The following ADAMTS12 variants were observed in gnomAD, a reference collection of about 807,000 sequenced individuals.
The protein encoded by ADAMTS12 is ADAM metallopeptidase with thrombospondin type 1 motif 12.
A neutral mutation model predicts 167.8 loss-of-function variants in ADAMTS12; 118 were observed. The ratio of observed to expected loss-of-function variants is 0.70; its 90% confidence interval spans 0.61 to 0.82. ADAMTS12 has a LOEUF of 0.82. Ranked by LOEUF, ADAMTS12 falls within the 40% of genes least tolerant of loss-of-function variation. ADAMTS12 has a pLI of 0.00. For synonymous variants in ADAMTS12, 704 were observed against 716.9 expected (o/e 0.98, Z 0.29); for missense variants, 1,916 against 1,998.8 (o/e 0.96, Z 0.79).
chr5:33,823,994 C>T (rs150880656), intron 2 of ADAMTS12, among the ~76,000 whole-genome samples: 3 of 152,086 alleles, frequency 2.0e-5, no homozygotes, highest in Admixed American at 6.6e-5. Context: ...TGAATATATA[C>T]AATTTTTACT....
intron 16 of ADAMTS12, among the ~76,000 whole-genome samples, chr5:33,604,556 C>G (rs181947620): frequency 2.0e-5 from 3 of 151,582 alleles, no homozygotes; most frequent in Non-Finnish European, 4.4e-5. Flanking sequence ...CCACCACCCC[C>G]CTACTTAGCA....
intron 2 of ADAMTS12, among the ~76,000 whole-genome samples, chr5:33,784,078 C>G (rs146124752): frequency 6.6e-6 from 1 of 151,706 alleles, no homozygotes; most frequent in African/African-American, 2.4e-5. Context: ...TTTTAAAACA[C>G]CAAATTAATA....
chr5:33,758,367 C>T (rs1413077502), intron 2 of ADAMTS12, among the ~76,000 whole-genome samples: 2 of 151,978 alleles, frequency 1.3e-5, no homozygotes, highest in Non-Finnish European at 2.9e-5. Flanking sequence ...TGAGCCATCG[C>T]TAGGCTGCAA....
rs748236665 is a variant in ADAMTS12, at chr5:33,807,942, AAG to A, written c.490-56396_490-56395del. Among the ~76,000 whole-genome samples, 116 of 152,232 alleles carry A rather than the reference AAG, an allele frequency of 7.6e-4. 1 individual carries two copies. Among genetic ancestry groups the A allele is most frequent in the Non-Finnish European group, 1.4e-3 (95 of 68,042 alleles). On this transcript the variant is annotated intron_variant, in intron 2 of 23. Coordinates refer to ENST00000504830, the MANE Select transcript of ADAMTS12 (RefSeq NM_030955.4). ...AAATTTCACTATAGAAGAGGAAAGA[AAG>A]AGATGGGGCAAACTGTTTCTCTCAA... is the stretch of plus-strand genomic sequence containing the variant.
At chr5:33,532,926 T>C (rs1040460356) in intron 23 of ADAMTS12, among the ~76,000 whole-genome samples, 1 of 152,216 alleles carries the variant, frequency 6.6e-6, no homozygotes, top group African/African-American at 2.4e-5. Flanking sequence ...GGGTGGCTGG[T>C]TTCTTAAATC....
intron 21 of ADAMTS12, among the ~76,000 whole-genome samples, chr5:33,547,341 C>T (rs975395373): frequency 2.6e-5 from 4 of 152,242 alleles, no homozygotes; most frequent in East Asian, 1.9e-4. Context: ...TGGCCATTCT[C>T]GGGGTGGGAC....
At chr5:33,634,407 GA>G (rs1333113561) in intron 12 of ADAMTS12, among the ~76,000 whole-genome samples, 1 of 152,134 alleles carries the variant, frequency 6.6e-6, no homozygotes, top group Non-Finnish European at 1.5e-5. Flanking sequence ...TGCACATGAA[GA>G]GAAGGGATCT....
intron 2 of ADAMTS12, among the ~76,000 whole-genome samples, chr5:33,770,440 G>C (rs1745694761): frequency 6.6e-6 from 1 of 152,194 alleles, no homozygotes; most frequent in Admixed American, 6.5e-5. Flanking sequence ...TCCGAGGACA[G>C]AGCAGGAGCT....
chr5:33,650,553 G>A (rs1416180234), intron 7 of ADAMTS12, among the ~76,000 whole-genome samples: 4 of 152,164 alleles, frequency 2.6e-5, no homozygotes, highest in Admixed American at 1.3e-4. Context: ...GTAAAACTAG[G>A]TTTCAGACAC....
At chr5:33,890,366 T>C (rs1171345740) in intron 1 of ADAMTS12, among the ~76,000 whole-genome samples, 1 of 152,154 alleles carries the variant, frequency 6.6e-6, no homozygotes, top group African/African-American at 2.4e-5. Flanking sequence ...ATCTGGACCG[T>C]TTACACAAGT....
chr5:33,741,980 T>A (rs1331963090), intron 3 of ADAMTS12, among the ~76,000 whole-genome samples: 1 of 152,220 alleles, frequency 6.6e-6, no homozygotes, highest in Non-Finnish European at 1.5e-5. Flanking sequence ...TGCTATATAC[T>A]CTTACAGCAT....
chr5:33,617,685 G>C (rs1403688085), intron 14 of ADAMTS12, among the ~76,000 whole-genome samples: 1 of 152,026 alleles, frequency 6.6e-6, no homozygotes, highest in East Asian at 1.9e-4. Context: ...TTCATACTTA[G>C]GATGTTGCAT....
chr5:33,637,895 T>C (rs1031403728), intron 11 of ADAMTS12, 149 bp from the exon 12 acceptor site: 2 of 812,572 alleles, frequency 2.5e-6, no homozygotes, highest in Admixed American at 6.0e-5. Flanking sequence ...ATTTTACACA[T>C]TTTTTCCTTG....
At chr5:33,573,936 G>A (rs549614219) in intron 19 of ADAMTS12, among the ~76,000 whole-genome samples, 2 of 152,298 alleles carry the variant, frequency 1.3e-5, no homozygotes, top group African/African-American at 2.4e-5. Context: ...AGTGGGCAAA[G>A]GATATGAGCA....
chr5:33,616,221 T>C, intron 14 of ADAMTS12, 149 bp from the exon 15 acceptor site: 1 of 1,064,916 alleles, frequency 9.4e-7, no homozygotes, highest in Non-Finnish European at 1.3e-6. Context: ...GAAGCACTAC[T>C]TATGGGGGAT....
chr5:33,751,623 A>G, intron 2 of ADAMTS12, 75 bp from the exon 3 acceptor site: 1 of 1,460,232 alleles, frequency 6.8e-7, no homozygotes, highest in Non-Finnish European at 9.4e-7. Context: ...GAAAAATTAT[A>G]TAGCTTATGA....
rs764620883 is a variant in ADAMTS12 at position 33,576,301 on chromosome 5, T to C, written c.3725A>G (p.Glu1242Gly). 6.2e-7 allele frequency: 1 copy of C among 1,614,172 alleles called. No homozygotes were observed. Among genetic ancestry groups the C allele is most frequent in the Non-Finnish European group, 8.5e-7 (1 of 1,180,026 alleles). The change falls in exon 19 of 24, where the codon GAA becomes GGA. Residue 1242 changes from glutamate (E) to glycine (G), a missense_variant. By Grantham distance (98) the Glu-to-Gly change is moderately conservative (BLOSUM62 -2). Coordinates refer to ENST00000504830, the MANE Select transcript of ADAMTS12 (RefSeq NM_030955.4). Reference sequence around the variant, plus strand: ...AGGGAGCAGAGTGTTGGCTGGCTTTTCAGTAACCATCCCCTCAACTCTGGG... The same window carrying C: ...AGGGAGCAGAGTGTTGGCTGGCTTTCCAGTAACCATCCCCTCAACTCTGGG... ...GTPRVEGMVT[E>G]KPANTLLPLG... is the part of the protein sequence containing the mutation.
At chr5:33,649,447 G>T in intron 8 of ADAMTS12, 107 bp downstream of exon 8, 1 of 1,390,206 alleles carries the variant, frequency 7.2e-7, no homozygotes, top group East Asian at 2.4e-5. Context: ...GTGGCCTGTG[G>T]GATGGAATCC....
intron 22 of ADAMTS12, 35 bp downstream of exon 22, chr5:33,546,024 C>G: frequency 6.4e-7 from 1 of 1,561,380 alleles, no homozygotes. Flanking sequence ...AAAAAAAAAG[C>G]TAAAGTAAAA....
Sources: gnomAD v4.1 joint callset for allele counts (sites outside exome capture counted in the v4.1 genomes callset) on GRCh38, gnomAD v4.1.1 for gene constraint, MANE v1.5 for transcripts, NCBI Gene and HGNC (gene_info 2026-07-23, HGNC 2026-07-21) for gene names.